Variants in COLEC10 observed in about 807,000 individuals in gnomAD.
The protein encoded by COLEC10 is collectin-10.
A neutral mutation model predicts 28.4 loss-of-function variants in COLEC10; 22 were observed. The ratio of observed to expected loss-of-function variants is 0.78; its 90% CI spans 0.55 to 1.11. The LOEUF is 1.11. Ranked by LOEUF, COLEC10 falls within the 50% of genes least tolerant of loss-of-function variation. COLEC10 has a pLI of 0.00. For synonymous variants in COLEC10, 125 were observed against 116.1 expected (o/e 1.08, Z -0.49); for missense variants, 361 against 344.1 (o/e 1.05, Z -0.39).
At position 119,043,717 on chromosome 8, in the gene COLEC10, T is replaced by C. The variant is rs191819407; in HGVS notation, n.235+34164T>C. On this transcript the variant is annotated intron_variant and non_coding_transcript_variant, in intron 2 of 6. Transcript: ENST00000521788. ...TCTTATAGTTGGAATGTATGTTTTA[T>C]ATATGCATATGAATACATGCAGATT... 1.0e-3 allele frequency among the ~76,000 whole-genome samples: 156 copies of C among 152,362 alleles called. 4 individuals carry two copies. The highest frequency in any genetic ancestry group is 0.01 in the Admixed American group (155 of 15,300).
At chr8:119,081,546 T>C (rs1312096011) in intron 1 of COLEC10, among the ~76,000 whole-genome samples, 1 of 152,140 alleles carries the variant, frequency 6.6e-6, no homozygotes, top group Non-Finnish European at 1.5e-5. Flanking sequence ...GATTCTTCTC[T>C]AAACAGATTA....
intron 2 of COLEC10, among the ~76,000 whole-genome samples, chr8:119,044,518 A>G (rs1310240438): frequency 1.3e-5 from 2 of 152,174 alleles, no homozygotes; most frequent in Non-Finnish European, 2.9e-5. Flanking sequence ...ATGAAAATAT[A>G]TGAAAGAGTA....
intron 1 of COLEC10, among the ~76,000 whole-genome samples, chr8:119,085,296 C>T (rs568470247): frequency 1.3e-5 from 2 of 152,120 alleles, no homozygotes; most frequent in Admixed American, 6.5e-5. Context: ...ATAGCAGGTC[C>T]CAATGAGGCC....
At chr8:119,027,488 AT>A (rs1444117041) in intron 2 of COLEC10, among the ~76,000 whole-genome samples, 7 of 152,066 alleles carry the variant, frequency 4.6e-5, no homozygotes, top group Admixed American at 3.3e-4. Flanking sequence ...GTGATCTTTT[AT>A]GCAAATTCAA....
chr8:119,035,555 A>G (rs868486479), intron 2 of COLEC10, among the ~76,000 whole-genome samples: 2 of 88,296 alleles, frequency 2.3e-5, no homozygotes, highest in South Asian at 4.0e-4. Context: ...TGATGTCCAC[A>G]GAAAACCTTT....
chr8:119,101,181 G>T (rs1360523712), intron 3 of COLEC10, among the ~76,000 whole-genome samples: 2 of 152,076 alleles, frequency 1.3e-5, no homozygotes, highest in Admixed American at 1.3e-4. Context: ...GTCCCCTTGG[G>T]CCGTATAACT....
At position 119,069,605 on chromosome 8, in the gene COLEC10, C is replaced by CAAAAAAAA. The variant is rs138362458; in HGVS notation, c.148+2194_148+2201dup. Reference sequence around the variant, plus strand: ...TGGACAACAGAGTGAGACCCCATCTCAAAAAAAAAAAAAAAAAAAAAAAAA... The same window carrying CAAAAAAAA: ...TGGACAACAGAGTGAGACCCCATCTCAAAAAAAAAAAAAAAAAAAAAAAAAAAAAAAAA... On this transcript the variant is annotated intron_variant, in intron 1 of 5. Coordinates refer to ENST00000332843, the MANE Select transcript of COLEC10 (RefSeq NM_006438.5). 3.4e-3 allele frequency among the ~76,000 whole-genome samples: 30 copies of CAAAAAAAA among 8,784 alleles called. 6 individuals carry two copies. Among genetic ancestry groups the CAAAAAAAA allele is most frequent in the East Asian group, 0.022 (5 of 226 alleles). The allele number at this position is 8,784 out of a possible 152,430, so 5.8% of individuals were successfully genotyped here.
chr8:119,056,051 C>T (rs985634511), intron 2 of COLEC10, among the ~76,000 whole-genome samples: 5 of 151,956 alleles, frequency 3.3e-5, no homozygotes, highest in Admixed American at 2.0e-4. Flanking sequence ...TAAATGACAC[C>T]GCATCCAATT....
chr8:119,096,533 G>A (rs555034572), intron 3 of COLEC10, among the ~76,000 whole-genome samples: 1 of 152,210 alleles, frequency 6.6e-6, no homozygotes, highest in Admixed American at 6.5e-5. Context: ...GGAGATTGCA[G>A]TGAGCAAAGA....
chr8:119,064,168 C>T (rs1423370365), upstream of COLEC10, among the ~76,000 whole-genome samples: 1 of 152,092 alleles, frequency 6.6e-6, no homozygotes, highest in Admixed American at 6.6e-5. Context: ...TTTATGTATT[C>T]AATCATCTTT....
At chr8:119,033,093 C>T (rs1306263871) in intron 2 of COLEC10, among the ~76,000 whole-genome samples, 2 of 152,040 alleles carry the variant, frequency 1.3e-5, no homozygotes, top group African/African-American at 2.4e-5. Flanking sequence ...GAAAAGAAAA[C>T]CCACTTAGGG....
chr8:118,954,288 C>T, the COLEC10 span, among the ~76,000 whole-genome samples: 2 of 152,200 alleles, frequency 1.3e-5, no homozygotes, highest in Admixed American at 1.3e-4. Context: ...ACTGTGGGCC[C>T]TTTATTCATC....
At chr8:119,042,034 G>C (rs1003370462) in intron 2 of COLEC10, among the ~76,000 whole-genome samples, 10 of 151,616 alleles carry the variant, frequency 6.6e-5, no homozygotes, top group Non-Finnish European at 1.5e-4. Flanking sequence ...GTCTTTCCCT[G>C]TCTCCCACGC....
chr8:119,083,990 T>C (rs1180433760), intron 1 of COLEC10, among the ~76,000 whole-genome samples: 1 of 152,104 alleles, frequency 6.6e-6, no homozygotes, highest in African/African-American at 2.4e-5. Context: ...CTCATGACAA[T>C]GATGGTTGCA....
chr8:119,052,206 G>A (rs915526639), intron 2 of COLEC10, among the ~76,000 whole-genome samples: 1 of 151,988 alleles, frequency 6.6e-6, no homozygotes, highest in East Asian at 1.9e-4. Flanking sequence ...TTAGCCAATA[G>A]GGTTTTAGCA....
At chr8:119,050,889 C>T (rs562667777) in intron 2 of COLEC10, among the ~76,000 whole-genome samples, 1 of 152,190 alleles carries the variant, frequency 6.6e-6, no homozygotes, top group African/African-American at 2.4e-5. Context: ...TTTAATTAAG[C>T]CAATTGATTT....
intron 2 of COLEC10, among the ~76,000 whole-genome samples, chr8:119,017,265 C>A (rs1399173357): frequency 6.6e-6 from 1 of 152,182 alleles, no homozygotes; most frequent in African/African-American, 2.4e-5. Context: ...TTAACCACTA[C>A]ACTCTACTGC....
chr8:118,983,642 C>T, the COLEC10 span, among the ~76,000 whole-genome samples: 6 of 151,746 alleles, frequency 4.0e-5, no homozygotes, highest in East Asian at 1.2e-3. Flanking sequence ...ATTTTACAGG[C>T]AAAAAACAAC....
intron 2 of COLEC10, among the ~76,000 whole-genome samples, chr8:119,058,907 G>A (rs556530696): frequency 3.6e-4 from 54 of 152,032 alleles, no homozygotes; most frequent in Non-Finnish European, 6.8e-4. Context: ...TCAATTTACC[G>A]CATTTCAGCA....
Sources: allele counts gnomAD v4.1 joint callset (sites outside exome capture counted in the v4.1 genomes callset), GRCh38; gene constraint gnomAD v4.1.1; transcripts MANE v1.5; gene names NCBI Gene and HGNC (gene_info 2026-07-23, HGNC 2026-07-21).